The following ALG14 variants were observed in gnomAD, a reference collection of about 807,000 sequenced individuals.
ALG14 encodes ALG14 UDP-N-acetylglucosaminyltransferase subunit, also known as UDP-N-acetylglucosamine transferase subunit ALG14.
ALG14 carries 17 observed loss-of-function variants against 22.8 expected under a neutral mutation model. The observed-to-expected ratio is 0.75, with a 90% CI of 0.51 to 1.12. ALG14 has a LOEUF of 1.12. ALG14 is among the 50% of genes most tolerant of loss of function. The pLI is 0.00. For missense variants in ALG14, 288 were observed against 271.8 expected, an observed-to-expected ratio of 1.06 and a Z score of -0.42; for synonymous variants, 89 against 103.7, an observed-to-expected ratio of 0.86 and a Z score of 0.86.
At position 95,064,923 on chromosome 1, in the gene ALG14, A is replaced by C; in HGVS notation, c.231T>G (p.Ser77Arg). The change falls in exon 2 of 4, where the codon AGT (serine) becomes AGG (arginine). Residue 77 changes from serine (S) to arginine (R), a missense_variant. Coordinates refer to ENST00000370205, the MANE Select transcript of ALG14 (RefSeq NM_144988.4). ...HYVIADTDEMSANKINSFELD... is the reference protein window; with the variant it reads ...HYVIADTDEMRANKINSFELD... ...GTTCAAAAGAATTTATTTTATTGGC[A>C]CTCATTTCATCAGTGTCAGCAATGA... 6.2e-7 allele frequency: 1 copy of C among 1,613,952 alleles called. No individual in the cohort carries two copies. Among genetic ancestry groups the C allele is most frequent in the Non-Finnish European group, 8.5e-7 (1 of 1,179,910 alleles).
At chr1:95,012,147 C>T (rs1167153215) in intron 3 of ALG14, among the ~76,000 whole-genome samples, 1 of 152,200 alleles carries the variant, frequency 6.6e-6, no homozygotes, top group Non-Finnish European at 1.5e-5. Context: ...GATTGAGAGG[C>T]CTCCCCAGCT....
intron 3 of ALG14, among the ~76,000 whole-genome samples, chr1:95,017,749 G>GA (rs1282667920): frequency 6.6e-6 from 1 of 152,164 alleles, no homozygotes; most frequent in Non-Finnish European, 1.5e-5. Flanking sequence ...AAACCCTGGG[G>GA]AACCCCAGAA....
intron 2 of ALG14, among the ~76,000 whole-genome samples, chr1:95,028,662 T>C (rs1673901523): frequency 1.4e-5 from 2 of 143,936 alleles, no homozygotes; most frequent in African/African-American, 5.4e-5. Context: ...CTACAAAAAA[T>C]ACAAAAAATA....
chr1:94,982,984 C>G lies in ALG14; in HGVS notation c.*92G>C. The G allele has an allele frequency of 9.7e-7, 1 of 1,035,894 alleles. No individual in the cohort carries two copies. 64.2% of individuals were successfully genotyped at this position (1,035,894 alleles called of 1,614,324 possible). ...CAATAATTCTCAGGACTGTCAGACG[C>G]CTTTACAAGAAACATGTAGGGTTTT... On this transcript the variant is annotated 3_prime_UTR_variant, in exon 4 of 4. Coordinates refer to ENST00000370205, the MANE Select transcript of ALG14 (RefSeq NM_144988.4).
In ALG14 at chr1:94,978,022, AT is replaced by A. The variant is rs1672428217; in HGVS notation, c.*5053del. Reference sequence around the variant, plus strand: ...TTTGTGAAGCACTGGTCTAGATAAAATATAACTGAAGTGAGCCTAGACAAGT... The same window carrying A: ...TTTGTGAAGCACTGGTCTAGATAAAAATAACTGAAGTGAGCCTAGACAAGT... On this transcript the variant is annotated 3_prime_UTR_variant, in exon 4 of 4. Transcript: ENST00000370205. The A allele has an allele frequency of 6.6e-6, 1 of 151,964 alleles. No homozygotes were observed. The highest frequency in any genetic ancestry group is 1.5e-5 in the Non-Finnish European group (1 of 68,002). 9.4% of individuals were successfully genotyped at this position (151,964 alleles called of 1,614,324 possible).
chr1:95,041,302 A>G (rs558550077), intron 2 of ALG14, among the ~76,000 whole-genome samples: 1 of 152,204 alleles, frequency 6.6e-6, no homozygotes, highest in Non-Finnish European at 1.5e-5. Context: ...ATGTTAAGCC[A>G]CCAGTTGTAA....
intron 3 of ALG14, among the ~76,000 whole-genome samples, chr1:95,007,620 A>G (rs78115072): frequency 6.6e-6 from 1 of 152,362 alleles, no homozygotes; most frequent in Non-Finnish European, 1.5e-5. Context: ...GCTATTGCCA[A>G]CATGTTGTCT....
intron 2 of ALG14, among the ~76,000 whole-genome samples, chr1:95,036,144 A>T (rs1481713588): frequency 6.6e-6 from 1 of 152,044 alleles, no homozygotes; most frequent in African/African-American, 2.4e-5. Flanking sequence ...TGGGCCCCTG[A>T]TATAGTTTGG....
chr1:95,072,666 C>T lies in ALG14; in HGVS notation c.136+97G>A. 2.0e-6 allele frequency: 3 copies of T among 1,508,830 alleles called. No homozygotes were observed. In the South Asian group the frequency reaches 3.7e-5, roughly 19 times the overall value. 93.5% of individuals were successfully genotyped at this position (1,508,830 alleles called of 1,614,324 possible). The stretch of plus-strand genomic sequence containing the variant: ...ACTACAAATCTCTGCATGCAACACT[C>T]CAAGAAGTGCTAAGGGTACCAGGGA... On this transcript the variant is annotated intron_variant, in intron 1 of 3. Transcript: ENST00000370205.
intron 3 of ALG14, among the ~76,000 whole-genome samples, chr1:94,992,582 C>G (rs1318033027): frequency 2.0e-5 from 3 of 151,622 alleles, no homozygotes; most frequent in Non-Finnish European, 2.9e-5. Context: ...GAGCTTGAGA[C>G]AGATTATAGC....
chr1:95,017,855 A>G (rs1271080302), intron 3 of ALG14, among the ~76,000 whole-genome samples: 1 of 152,220 alleles, frequency 6.6e-6, no homozygotes, highest in African/African-American at 2.4e-5. Flanking sequence ...TGGAGCTCCA[A>G]GGATCATATG....
At chr1:95,053,560 T>G (rs1478879898) in intron 2 of ALG14, among the ~76,000 whole-genome samples, 2 of 152,298 alleles carry the variant, frequency 1.3e-5, no homozygotes, top group South Asian at 2.1e-4. Flanking sequence ...TTTTTGTTTT[T>G]TTTGTTTGTT....
chr1:95,027,245 T>C lies in ALG14; in HGVS notation c.304A>G (p.Ile102Val), dbSNP rs773910321. 6.2e-7 allele frequency: 1 copy of C among 1,614,158 alleles called. No homozygotes were observed. The highest frequency in any genetic ancestry group is 8.5e-7 in the Non-Finnish European group (1 of 1,179,996). ...DPSNMYTKYY[I>V]HRIPRSREVQ... ...TCCCGGCTTCTTGGAATTCGGTGAA[T>C]GTAGTATTTGGTATACTAGAAGGAA... Residue 102 changes from isoleucine to valine, a missense_variant, in exon 3 of 4, where the codon ATT becomes GTT. By Grantham distance (29) the Ile-to-Val change is conservative. Transcript: ENST00000370205.
rs1291323703 is a variant in ALG14 at position 94,978,060 on chromosome 1, ATTTT to A, written c.*5012_*5015del. 6.7e-6 allele frequency: 1 copy of A among 148,670 alleles called. No individual in the cohort carries two copies. Among genetic ancestry groups the A allele is most frequent in the African/African-American group, 2.5e-5 (1 of 40,332 alleles). The allele number at this position is 148,670 out of a possible 1,614,324, so 9.2% of individuals were successfully genotyped here. A position where few individuals can be genotyped will look rare whatever the true frequency, so the allele number is the denominator to read the frequency against. On this transcript the variant is annotated 3_prime_UTR_variant, in exon 4 of 4. Coordinates refer to ENST00000370205, the MANE Select transcript of ALG14 (RefSeq NM_144988.4). ...GAGCCTAGACAAGTCTGAAGCTATA[ATTTT>A]TTTCTTTTTTTTTTTTTGAGGTGGA...
intron 2 of ALG14, among the ~76,000 whole-genome samples, chr1:95,063,857 A>G (rs1675255585): frequency 6.6e-6 from 1 of 152,204 alleles, no homozygotes; most frequent in African/African-American, 2.4e-5. Context: ...CATTGAATCT[A>G]TAAATTACTT....
intron 2 of ALG14, among the ~76,000 whole-genome samples, chr1:95,030,495 C>T (rs1571625885): frequency 6.6e-6 from 1 of 152,206 alleles, no homozygotes; most frequent in Middle Eastern, 3.4e-3. Context: ...ATTGTGTGGC[C>T]TAATCTCAAT....
intron 2 of ALG14, among the ~76,000 whole-genome samples, chr1:95,031,040 C>T (rs184057478): frequency 6.6e-6 from 1 of 152,136 alleles, no homozygotes; most frequent in East Asian, 1.9e-4. Flanking sequence ...AGAAGTTTAG[C>T]TGGGAGGGGA....
chr1:95,034,746 G>T (rs1222810823), intron 2 of ALG14, among the ~76,000 whole-genome samples: 1 of 152,164 alleles, frequency 6.6e-6, no homozygotes, highest in Non-Finnish European at 1.5e-5. Flanking sequence ...GAACCACGAA[G>T]TTTACTCCCT....
intron 3 of ALG14, among the ~76,000 whole-genome samples, chr1:95,000,272 A>G (rs1410905200): frequency 6.6e-6 from 1 of 152,210 alleles, no homozygotes; most frequent in African/African-American, 2.4e-5. Flanking sequence ...GCAGTGGCTC[A>G]TGCTTGTAAT....
Sources: gnomAD v4.1 joint callset for allele counts (sites outside exome capture counted in the v4.1 genomes callset) on GRCh38, gnomAD v4.1.1 for gene constraint, MANE v1.5 for transcripts, NCBI Gene and HGNC (gene_info 2026-07-23, HGNC 2026-07-21) for gene names.